Variants in TDRD9 observed in about 807,000 individuals in gnomAD.
TDRD9 encodes the protein ATP-dependent RNA helicase TDRD9.
TDRD9 carries 124 observed loss-of-function variants against 172.6 expected under a neutral mutation model. The ratio of observed to expected loss-of-function variants is 0.72; its 90% CI spans 0.62 to 0.83. The LOEUF (loss-of-function observed/expected upper bound fraction) is 0.83. Among genes scored for constraint, TDRD9 ranks in the 40% least tolerant of loss-of-function variants. The pLI is 0.00. For missense variants in TDRD9, 1,479 were observed against 1,714.1 expected (o/e 0.86, Z 2.42); for synonymous variants, 619 against 617.1 (o/e 1.00, Z -0.05).
chr14:103,947,309 GTTTTGTTTT>G (rs1390391425), intron 1 of TDRD9, among the ~76,000 whole-genome samples: 5 of 151,490 alleles, frequency 3.3e-5, no homozygotes, highest in South Asian at 4.2e-4. Flanking sequence ...TTGTTTGTTT[GTTTTGTTTT>G]TTTTGTTTTT....
chr14:103,942,957 G>A (rs2031327050), intron 1 of TDRD9, among the ~76,000 whole-genome samples: 1 of 133,360 alleles, frequency 7.5e-6, no homozygotes. Context: ...GCAGTAATTG[G>A]TTGTCAGGGA....
At chr14:103,986,106 A>T in intron 7 of TDRD9, 111 bp from the exon 8 acceptor site, 1 of 755,818 alleles carries the variant, frequency 1.3e-6, no homozygotes, top group Non-Finnish European at 2.2e-6. Context: ...ACTTTTATTT[A>T]GAGAGTTTGT....
intron 34 of TDRD9, among the ~76,000 whole-genome samples, chr14:104,048,562 G>C (rs2035848101): frequency 6.6e-6 from 1 of 152,162 alleles, no homozygotes; most frequent in Admixed American, 6.5e-5. Context: ...TTGGAGCTAA[G>C]TATGGGTTGA....
intron 13 of TDRD9, among the ~76,000 whole-genome samples, chr14:103,999,037 C>T (rs966619972): frequency 1.4e-4 from 22 of 152,198 alleles, no homozygotes; most frequent in Admixed American, 3.9e-4. Flanking sequence ...TTGTGATCCA[C>T]CCGCTTCAGC....
At chr14:104,004,895 A>G (rs9671924) in intron 14 of TDRD9, among the ~76,000 whole-genome samples, 4,928 of 152,090 alleles carry the variant, frequency 0.032, 215 homozygotes, top group Admixed American at 0.12. Flanking sequence ...GCTGTTTTCT[A>G]TGTCCCTTTA....
chr14:104,019,795 A>T (rs2034899230), intron 23 of TDRD9, among the ~76,000 whole-genome samples: 1 of 152,190 alleles, frequency 6.6e-6, no homozygotes, highest in Non-Finnish European at 1.5e-5. Flanking sequence ...GGAGAGTCAA[A>T]TTAGTTTCAC....
At chr14:103,936,948 C>A (rs924871515) in intron 1 of TDRD9, among the ~76,000 whole-genome samples, 1 of 152,004 alleles carries the variant, frequency 6.6e-6, no homozygotes, top group Non-Finnish European at 1.5e-5. Context: ...AAAAATTAGC[C>A]GGGTGTTGTG....
At chr14:103,962,485 A>T (rs963402406) in intron 2 of TDRD9, among the ~76,000 whole-genome samples, 1 of 152,168 alleles carries the variant, frequency 6.6e-6, no homozygotes, top group Non-Finnish European at 1.5e-5. Context: ...TTTCTTAAGA[A>T]ATTAAACTTT....
chr14:104,046,678 C>G (rs2035787306), intron 34 of TDRD9, among the ~76,000 whole-genome samples: 1 of 151,696 alleles, frequency 6.6e-6, no homozygotes, highest in East Asian at 1.9e-4. Flanking sequence ...CAGAGTCTTG[C>G]TCTGTTGCCC....
At position 104,024,666 on chromosome 14, in the gene TDRD9, A is replaced by G. The variant is rs779233970; in HGVS notation, c.2704A>G (p.Ile902Val). 3 of 1,600,046 alleles carry G rather than the reference A, an allele frequency of 1.9e-6. No homozygotes were observed. The highest frequency in any genetic ancestry group is 1.1e-5 in the South Asian group (1 of 90,388). ...GACAGTTACAGATCTCCTTCTAACTATTGATGTCACAGAGGTAAGGATGAA... is the reference window on the plus strand; with the variant it reads ...GACAGTTACAGATCTCCTTCTAACTGTTGATGTCACAGAGGTAAGGATGAA... ...SQTVTDLLLT[I>V]DVTEVVEVGH... Residue 902 changes from isoleucine to valine, a missense_variant, in exon 25 of 36, where the codon ATT (isoleucine) becomes GTT (valine). Transcript: ENST00000409874.
intron 5 of TDRD9, among the ~76,000 whole-genome samples, chr14:103,968,245 C>A (rs568192366): frequency 6.6e-6 from 1 of 152,222 alleles, no homozygotes; most frequent in East Asian, 1.9e-4. Flanking sequence ...AAGACCATCG[C>A]GCCATCACGG....
chr14:104,021,692 T>A (rs147561328), intron 23 of TDRD9, among the ~76,000 whole-genome samples: 25 of 152,048 alleles, frequency 1.6e-4, no homozygotes, highest in African/African-American at 3.9e-4. Context: ...CTCAAAAAAA[T>A]AAATAAATAA....
chr14:103,991,328 T>C (rs1047117753), intron 9 of TDRD9, 104 bp downstream of exon 9: 54 of 1,194,670 alleles, frequency 4.5e-5, no homozygotes, highest in Non-Finnish European at 6.2e-5. Context: ...CATAGGACTT[T>C]ATTCTTTTTA....
chr14:104,046,897 C>T (rs556338361), intron 34 of TDRD9, among the ~76,000 whole-genome samples: 3 of 152,300 alleles, frequency 2.0e-5, no homozygotes, highest in Admixed American at 6.5e-5. Context: ...CCGCCCACCT[C>T]GGCCTCCCAA....
At chr14:104,013,063 C>T (rs957738786) in intron 20 of TDRD9, among the ~76,000 whole-genome samples, 1 of 152,160 alleles carries the variant, frequency 6.6e-6, no homozygotes, top group African/African-American at 2.4e-5. Context: ...TGAGTGTGCT[C>T]TCCCTTGCTT....
intron 1 of TDRD9, among the ~76,000 whole-genome samples, chr14:103,930,371 G>C (rs2030300262): frequency 6.6e-6 from 1 of 152,154 alleles, no homozygotes; most frequent in African/African-American, 2.4e-5. Flanking sequence ...ATTTTTAGTA[G>C]AGACAGCATT....
In TDRD9 at chr14:103,970,549, A is replaced by G; in HGVS notation, c.774A>G (p.Glu258=). ...FTHIIIDEVH[E]RTEEMDFLLL... ...CCTTTTTTATTTTGTAGGTACACGAACGAACAGAAGAAATGGATTTCCTGC... is the reference window on the plus strand; with the variant it reads ...CCTTTTTTATTTTGTAGGTACACGAGCGAACAGAAGAAATGGATTTCCTGC... Residue 258 remains glutamate, a synonymous_variant, in exon 6 of 36, where the codon GAA becomes GAG. Transcript: ENST00000409874. The G allele has an allele frequency of 6.4e-7, 1 of 1,551,628 alleles. No homozygotes were observed. Among genetic ancestry groups the G allele is most frequent in the Non-Finnish European group, 8.7e-7 (1 of 1,146,886 alleles).
rs367818821 is a variant in TDRD9 at position 104,040,316 on chromosome 14, C to T, written c.3837C>T (p.Ser1279=). 46 of 1,550,410 alleles carry T rather than the reference C, an allele frequency of 3.0e-5. No individual in the cohort carries two copies. Among genetic ancestry groups the T allele is most frequent in the Non-Finnish European group, 3.8e-5 (43 of 1,146,290 alleles). The change falls in exon 33 of 36, where the codon AGC becomes AGT. Residue 1279 remains serine (S), a synonymous_variant. Transcript: ENST00000409874. Reference sequence around the variant, plus strand: ...AGCTTGCGTTTGACGTTCAATTCAGCGTGGAGGATGTCGTCGAGGTAAGGG... The same window carrying T: ...AGCTTGCGTTTGACGTTCAATTCAGTGTGGAGGATGTCGTCGAGGTAAGGG... ...DMELAFDVQF[S]VEDVVEVNIL... is the part of the protein sequence containing the mutation.
At chr14:104,040,821 T>C (rs371777525) in intron 33 of TDRD9, among the ~76,000 whole-genome samples, 16 of 152,368 alleles carry the variant, frequency 1.1e-4, no homozygotes, top group African/African-American at 3.6e-4. Context: ...GCACTAGCTC[T>C]GGGGTGAGGT....
Sources: gnomAD v4.1 joint callset for allele counts (sites outside exome capture counted in the v4.1 genomes callset) on GRCh38, gnomAD v4.1.1 for gene constraint, MANE v1.5 for transcripts, NCBI Gene and HGNC (gene_info 2026-07-23, HGNC 2026-07-21) for gene names.